The following ZNF804B variants were observed in gnomAD, a reference collection of about 807,000 sequenced individuals.
ZNF804B encodes zinc finger protein 804B.
ZNF804B carries 80 observed loss-of-function variants against 101.4 expected under a neutral mutation model. That is an observed-to-expected ratio of 0.79 (90% CI 0.66 to 0.95). The LOEUF (loss-of-function observed/expected upper bound fraction) is 0.95. ZNF804B is among the 40% of genes least tolerant of loss of function. The pLI is 0.00. For synonymous variants in ZNF804B, 622 were observed against 558.8 expected (o/e 1.11, Z -1.59); for missense variants, 1,673 against 1,561.9 (o/e 1.07, Z -1.20).
rs377044356 is a variant in ZNF804B, at chr7:88,958,977, T to A, written c.108+198893T>A. 2.0e-5 allele frequency among the ~76,000 whole-genome samples: 3 copies of A among 151,466 alleles called. No homozygotes were observed. In the East Asian group the frequency reaches 5.9e-4, roughly 30 times the overall value. ...TTGTTCCTGTATAGACATGTAGTATTCTTTCAAGGTTTCACCTGTGATTGA... is the reference window on the plus strand; with the variant it reads ...TTGTTCCTGTATAGACATGTAGTATACTTTCAAGGTTTCACCTGTGATTGA... On this transcript the variant is annotated intron_variant, in intron 1 of 3. Coordinates refer to ENST00000333190, the MANE Select transcript of ZNF804B (RefSeq NM_181646.5).
At chr7:88,882,301 T>A (rs563163466) in intron 1 of ZNF804B, among the ~76,000 whole-genome samples, 249 of 152,250 alleles carry the variant, frequency 1.6e-3, no homozygotes, top group Middle Eastern at 3.4e-3. Context: ...ATCAGAGAAA[T>A]GCAAATTAAA....
chr7:88,862,255 G>T (rs1222509629), intron 1 of ZNF804B, among the ~76,000 whole-genome samples: 1 of 151,964 alleles, frequency 6.6e-6, no homozygotes, highest in Non-Finnish European at 1.5e-5. Context: ...TAAATTTGGG[G>T]GAAAAAACCC....
At chr7:88,990,230 ACTT>A (rs1284448479) in intron 1 of ZNF804B, among the ~76,000 whole-genome samples, 1 of 151,990 alleles carries the variant, frequency 6.6e-6, no homozygotes, top group Non-Finnish European at 1.5e-5. Context: ...AATATAGTAT[ACTT>A]CTTGGGCACA....
intron 2 of ZNF804B, among the ~76,000 whole-genome samples, chr7:89,245,085 T>G (rs1218112115): frequency 6.6e-6 from 1 of 152,070 alleles, no homozygotes; most frequent in Non-Finnish European, 1.5e-5. Flanking sequence ...GTGTGATTAA[T>G]AAGAGATTAA....
Position 89,333,403 on chromosome 7 carries a change from G to A in ZNF804B, c.421G>A (p.Ala141Thr), listed in dbSNP as rs1791016327. The change falls in exon 4 of 4, where the codon GCC becomes ACC. Residue 141 changes from alanine to threonine, a missense_variant. Ala to Thr is a moderately conservative substitution (Grantham distance 58). Coordinates refer to ENST00000333190, the MANE Select transcript of ZNF804B (RefSeq NM_181646.5). ...ACCAGCATACAAAGCCCCCAGGGTAGCCATAGAAAAGCAACTCCAGCAAGG... is the reference window on the plus strand; with the variant it reads ...ACCAGCATACAAAGCCCCCAGGGTAACCATAGAAAAGCAACTCCAGCAAGG... ...NGPAYKAPRV[A>T]IEKQLQQGIF... The A allele has an allele frequency of 6.2e-7, 1 of 1,612,006 alleles. No individual in the cohort carries two copies. Among genetic ancestry groups the A allele is most frequent in the Non-Finnish European group, 8.5e-7 (1 of 1,179,044 alleles).
chr7:88,860,245 A>T (rs1791626747), intron 1 of ZNF804B, among the ~76,000 whole-genome samples: 1 of 152,060 alleles, frequency 6.6e-6, no homozygotes, highest in Non-Finnish European at 1.5e-5. Flanking sequence ...TTTTTCTTTG[A>T]AGAAATAAAA....
chr7:89,120,412 C>A (rs565869188), intron 1 of ZNF804B, among the ~76,000 whole-genome samples: 1 of 152,228 alleles, frequency 6.6e-6, no homozygotes, highest in East Asian at 1.9e-4. Flanking sequence ...AATCCCAACA[C>A]TCTGAGAGGC....
At chr7:88,912,873 TTAAA>T (rs1258160965) in intron 1 of ZNF804B, among the ~76,000 whole-genome samples, 2 of 152,160 alleles carry the variant, frequency 1.3e-5, no homozygotes, top group Non-Finnish European at 2.9e-5. Context: ...TTGTGATTGA[TTAAA>T]TAAATCAAAA....
intron 1 of ZNF804B, among the ~76,000 whole-genome samples, chr7:89,014,836 G>T (rs1455817205): frequency 6.6e-6 from 1 of 152,082 alleles, no homozygotes; most frequent in Non-Finnish European, 1.5e-5. Flanking sequence ...TTGCTTTGTT[G>T]TGCAGAAGTT....
At chr7:88,911,781 G>A (rs902229619) in intron 1 of ZNF804B, among the ~76,000 whole-genome samples, 2 of 151,676 alleles carry the variant, frequency 1.3e-5, no homozygotes, top group African/African-American at 4.8e-5. Flanking sequence ...CACTCAGAAA[G>A]TTCTGTTTTG....
chr7:88,946,552 TTC>T (rs1278970696), intron 1 of ZNF804B, among the ~76,000 whole-genome samples: 3 of 72,154 alleles, frequency 4.2e-5, no homozygotes, highest in African/African-American at 1.4e-4. Flanking sequence ...GGCTGAAATT[TTC>T]TTTTTTTTTT....
intron 1 of ZNF804B, among the ~76,000 whole-genome samples, chr7:88,960,914 G>A (rs1264960277): frequency 1.3e-5 from 2 of 151,212 alleles, no homozygotes; most frequent in Non-Finnish European, 3.0e-5. Context: ...CAAACAAAAA[G>A]TTTGATACTT....
chr7:88,900,062 A>G (rs569060099), intron 1 of ZNF804B, among the ~76,000 whole-genome samples: 8 of 152,254 alleles, frequency 5.3e-5, no homozygotes, highest in Non-Finnish European at 1.0e-4. Context: ...TGTGTTTAAC[A>G]TTGAAGGTTG....
At chr7:88,898,073 C>CTTTTTTTTTT (rs869050718) in intron 1 of ZNF804B, among the ~76,000 whole-genome samples, 3 of 56,594 alleles carry the variant, frequency 5.3e-5, no homozygotes, top group East Asian at 6.0e-4. Context: ...ACTTCTCCAT[C>CTTTTTTTTTT]TTTTTTTTTT....
intron 1 of ZNF804B, among the ~76,000 whole-genome samples, chr7:88,982,810 T>G (rs1793710343): frequency 6.6e-6 from 1 of 152,030 alleles, no homozygotes; most frequent in Non-Finnish European, 1.5e-5. Context: ...CAACCCACCT[T>G]GGCTCCTCTG....
intron 2 of ZNF804B, among the ~76,000 whole-genome samples, chr7:89,219,667 A>T (rs1275959546): frequency 3.3e-5 from 5 of 151,572 alleles, no homozygotes; most frequent in Non-Finnish European, 7.4e-5. Flanking sequence ...ATGTGGCCAA[A>T]GATTATTGCT....
chr7:89,065,122 AAG>A (rs1416779425), intron 1 of ZNF804B, among the ~76,000 whole-genome samples: 15 of 152,298 alleles, frequency 9.8e-5, no homozygotes, highest in African/African-American at 3.4e-4. Flanking sequence ...TGTCAAGAGA[AAG>A]AACCCTCCGA....
chr7:88,972,361 C>T (rs977003319), intron 1 of ZNF804B, among the ~76,000 whole-genome samples: 1 of 151,266 alleles, frequency 6.6e-6, no homozygotes, highest in East Asian at 2.0e-4. Flanking sequence ...GTAGTAATAC[C>T]CAATTTATTT....
chr7:88,940,363 G>A (rs1584028582), intron 1 of ZNF804B, among the ~76,000 whole-genome samples: 4 of 151,820 alleles, frequency 2.6e-5, no homozygotes, highest in South Asian at 2.1e-4. Flanking sequence ...TTTTATAAAG[G>A]AGTAAGAATA....
Sources: allele counts gnomAD v4.1 joint callset (sites outside exome capture counted in the v4.1 genomes callset), GRCh38; gene constraint gnomAD v4.1.1; transcripts MANE v1.5; gene names NCBI Gene and HGNC (gene_info 2026-07-23, HGNC 2026-07-21).